PPP6R2: variants seen among roughly 807,000 people sequenced by gnomAD.
PPP6R2 encodes the protein serine/threonine-protein phosphatase 6 regulatory subunit 2.
In PPP6R2, 62 loss-of-function variants were observed where a neutral mutation model predicts 100.2. The observed-to-expected ratio is 0.62, with a 90% confidence interval of 0.50 to 0.76. The LOEUF (loss-of-function observed/expected upper bound fraction) is 0.76. Among genes scored for constraint, PPP6R2 ranks in the 30% least tolerant of loss-of-function variants. The probability of loss-of-function intolerance (pLI) is 0.00; values close to 1 mark genes in which losing one functional copy is unlikely to be tolerated. For missense variants in PPP6R2, 1,142 were observed against 1,276.3 expected, an observed-to-expected ratio of 0.89 and a Z score of 1.60; for synonymous variants, 525 against 514.7, an observed-to-expected ratio of 1.02 and a Z score of -0.27.
chr22:50,421,685 T>C (rs7511543), intron 8 of PPP6R2, among the ~76,000 whole-genome samples: 130,269 of 152,052 alleles, frequency 0.86, 56,182 homozygotes, highest in African/African-American at 0.96. Context: ...CCAAGGCGGG[T>C]GGATCACCTG....
At position 50,444,594 on chromosome 22, in the gene PPP6R2, G is replaced by A. The variant is rs944372524; in HGVS notation, c.*347G>A. The A allele has an allele frequency of 1.4e-5, 4 of 291,834 alleles. No homozygotes were observed. Among genetic ancestry groups the A allele is most frequent in the East Asian group, 1.6e-4 (2 of 12,524 alleles). The allele number at this position is 291,834 out of a possible 1,614,324, so 18.1% of individuals were successfully genotyped here. A position where few individuals can be genotyped will look rare whatever the true frequency, so the allele number is the denominator to read the frequency against. ...CAGGACCTGATGGGCCAGGAAGGGC[G>A]TGGACATGGAGGCTGTTTTTACAGT... On this transcript the variant is annotated 3_prime_UTR_variant, in exon 24 of 24. Transcript: ENST00000612753.
At position 50,422,302 on chromosome 22, in the gene PPP6R2, C is replaced by T. The variant is rs755137991; in HGVS notation, c.894C>T (p.Tyr298=). Residue 298 remains tyrosine, a synonymous_variant, in exon 9 of 24, where the codon TAC becomes TAT. Coordinates refer to ENST00000612753, the MANE Select transcript of PPP6R2 (RefSeq NM_001242898.2). ...TTTCTCAGGGACTGGAAAGGTCATA[C>T]GCTGTCAGCAGCAGCGTACTACACG... is the stretch of plus-strand genomic sequence containing the variant. The part of the protein sequence containing the change: ...DSFSQGLERS[Y]AVSSSVLHGI... 24 of 1,613,966 alleles carry T rather than the reference C, an allele frequency of 1.5e-5. No homozygotes were observed. Among genetic ancestry groups the T allele is most frequent in the Non-Finnish European group, 1.7e-5 (20 of 1,179,992 alleles).
At chr22:50,421,086 T>TTCTC (rs138807034) in intron 8 of PPP6R2, among the ~76,000 whole-genome samples, 30 of 149,584 alleles carry the variant, frequency 2.0e-4, no homozygotes, top group South Asian at 4.2e-4. Context: ...AGGACTCTCT[T>TTCTC]TCTCTCTCTC....
chr22:50,352,607 C>A (rs2045549723), intron 1 of PPP6R2, among the ~76,000 whole-genome samples: 1 of 151,978 alleles, frequency 6.6e-6, no homozygotes, highest in African/African-American at 2.4e-5. Context: ...TGCCTGTAGT[C>A]CCAGCTACTC....
chr22:50,428,245 T>C (rs1266532750), intron 10 of PPP6R2, among the ~76,000 whole-genome samples: 1 of 152,256 alleles, frequency 6.6e-6, no homozygotes, highest in Non-Finnish European at 1.5e-5. Flanking sequence ...TTAATTCTTC[T>C]GGATGCTGTC....
At chr22:50,367,156 G>GGAGGATGCCTGGACAGGGGAGCA (rs1009160908) in intron 1 of PPP6R2, among the ~76,000 whole-genome samples, 5 of 151,990 alleles carry the variant, frequency 3.3e-5, no homozygotes, top group Non-Finnish European at 7.4e-5. Flanking sequence ...ATGTGGGAGC[G>GGAGGATGCCTGGACAGGGGAGCA]GAGGATGCCT....
chr22:50,335,686 T>G, the PPP6R2 span, among the ~76,000 whole-genome samples: 1 of 143,042 alleles, frequency 7.0e-6, no homozygotes, highest in Non-Finnish European at 1.5e-5. Context: ...TAATTTTTTT[T>G]TTTTTTTGAG....
At chr22:50,408,404 A>G (rs930960043) in intron 4 of PPP6R2, among the ~76,000 whole-genome samples, 16 of 152,188 alleles carry the variant, frequency 1.1e-4, no homozygotes, top group Non-Finnish European at 2.2e-4. Context: ...GTTCAGTGGA[A>G]TGCCGTCTTC....
In PPP6R2 at chr22:50,396,539, C is replaced by T. The variant is rs939499419; in HGVS notation, c.227+2404C>T. On this transcript the variant is annotated intron_variant, in intron 3 of 23. Coordinates refer to ENST00000612753, the MANE Select transcript of PPP6R2 (RefSeq NM_001242898.2). ...CAAAGGAAGAATATTTTGTCACACA[C>T]ATGAAAACGATATGAAACACGTTTC... 7.2e-5 allele frequency among the ~76,000 whole-genome samples: 11 copies of T among 151,800 alleles called. No individual in the cohort carries two copies. In the Middle Eastern group the frequency reaches 0.01, roughly 142 times the overall value.
intron 2 of PPP6R2, among the ~76,000 whole-genome samples, chr22:50,385,150 C>T (rs572743346): frequency 6.6e-6 from 1 of 152,088 alleles, no homozygotes; most frequent in Non-Finnish European, 1.5e-5. Context: ...ATCCAATTAC[C>T]TCTTAAAGGC....
chr22:50,421,411 T>C (rs1358131558), intron 8 of PPP6R2, among the ~76,000 whole-genome samples: 1 of 152,210 alleles, frequency 6.6e-6, no homozygotes, highest in Non-Finnish European at 1.5e-5. Flanking sequence ...AGCACGATCA[T>C]ATCTCAGCGT....
intron 2 of PPP6R2, among the ~76,000 whole-genome samples, chr22:50,392,448 A>G (rs1181310692): frequency 6.6e-6 from 1 of 152,088 alleles, no homozygotes; most frequent in African/African-American, 2.4e-5. Context: ...TTGGGGCCTC[A>G]AGAGCTCCAG....
intron 4 of PPP6R2, 21 bp downstream of exon 4, chr22:50,406,896 C>T (rs982606621): frequency 6.2e-7 from 1 of 1,604,814 alleles, no homozygotes; most frequent in Admixed American, 1.7e-5. Flanking sequence ...TGCAAAGCCT[C>T]CGTGACTTGG....
chr22:50,432,576 C>T (rs2063361505), intron 12 of PPP6R2, among the ~76,000 whole-genome samples: 1 of 152,214 alleles, frequency 6.6e-6, no homozygotes, highest in South Asian at 2.1e-4. Flanking sequence ...CCACCAGGCA[C>T]CTGCTCTGGC....
At position 50,357,421 on chromosome 22, in the gene PPP6R2, TTTC is replaced by T. The variant is rs550949266; in HGVS notation, c.-148+13874_-148+13876del. ...CCCTCTCTCCATCCCTCTTCTTTCT[TTTC>T]TTTTCTTTTTCTTTTTTCTCTCTCT... On this transcript the variant is annotated intron_variant, in intron 1 of 23. Transcript: ENST00000612753. Among the ~76,000 whole-genome samples, 658 of 151,804 alleles carry T rather than the reference TTTC, an allele frequency of 4.3e-3. 4 individuals carry two copies. The highest frequency in any genetic ancestry group is 0.015 in the African/African-American group (631 of 41,426).
intron 3 of PPP6R2, among the ~76,000 whole-genome samples, chr22:50,396,218 C>T (rs886404118): frequency 4.0e-5 from 5 of 125,518 alleles, no homozygotes; most frequent in Admixed American, 8.8e-5. Context: ...AAAAAAAAGC[C>T]GGGTGTGGTG....
At chr22:50,340,260 G>A, upstream of PPP6R2, among the ~76,000 whole-genome samples, 1 of 111,812 alleles carries the variant, frequency 8.9e-6, no homozygotes, top group South Asian at 3.1e-4. Context: ...TGTGGAGGGT[G>A]TGTGTGGTGT....
chr22:50,439,691 C>A lies in PPP6R2; in HGVS notation c.2129-10C>A. Reference sequence around the variant, plus strand: ...GCCCACGCCTGACCACTGTGTCTCTCCCCCAGCAGGCGCCATGTGGACGGC... The same window carrying A: ...GCCCACGCCTGACCACTGTGTCTCTACCCCAGCAGGCGCCATGTGGACGGC... On this transcript the variant is annotated splice_polypyrimidine_tract_variant and intron_variant, in intron 19 of 23. Coordinates refer to ENST00000612753, the MANE Select transcript of PPP6R2 (RefSeq NM_001242898.2). The A allele has an allele frequency of 1.9e-6, 3 of 1,569,782 alleles. No homozygotes were observed. The highest frequency in any genetic ancestry group is 1.8e-5 in the Admixed American group (1 of 54,258).
chr22:50,438,335 A>G (rs1230929380), intron 18 of PPP6R2, 37 bp downstream of exon 18: 1 of 1,592,374 alleles, frequency 6.3e-7, no homozygotes, highest in South Asian at 1.1e-5. Flanking sequence ...GCCTCTGCCG[A>G]GGAGGTTCAG....
Sources: allele counts gnomAD v4.1 joint callset (sites outside exome capture counted in the v4.1 genomes callset), GRCh38; gene constraint gnomAD v4.1.1; transcripts MANE v1.5; gene names NCBI Gene and HGNC (gene_info 2026-07-23, HGNC 2026-07-21).